The following TTLL11 variants were observed in gnomAD, a reference collection of about 807,000 sequenced individuals.
The protein encoded by TTLL11 is tubulin polyglutamylase TTLL11.
A neutral mutation model predicts 51.7 loss-of-function variants in TTLL11; 42 were observed. That is an observed-to-expected ratio of 0.81 (90% CI 0.64 to 1.05). The LOEUF is 1.05. Among genes scored for constraint, TTLL11 ranks in the 50% least tolerant of loss-of-function variants. TTLL11 has a pLI of 0.00. For missense variants in TTLL11, 799 were observed against 940.4 expected (o/e 0.85, Z 1.97); for synonymous variants, 381 against 383.5 (o/e 0.99, Z 0.08).
intron 1 of TTLL11, among the ~76,000 whole-genome samples, chr9:122,055,203 G>GGATGGATAGATA (rs1554789323): frequency 6.9e-5 from 10 of 144,652 alleles, no homozygotes; most frequent in Non-Finnish European, 3.0e-5. Context: ...AGGACTAATA[G>GGATGGATAGATA]GATAGATAGA....
intron 8 of TTLL11, among the ~76,000 whole-genome samples, chr9:121,839,910 G>A (rs7040012): frequency 0.052 from 7,862 of 152,226 alleles, 538 homozygotes; most frequent in African/African-American, 0.16. Flanking sequence ...CATTTGGAGC[G>A]GTGACAGGAG....
intron 3 of TTLL11, among the ~76,000 whole-genome samples, chr9:122,013,442 G>A (rs1332572925): frequency 1.3e-5 from 2 of 152,160 alleles, no homozygotes; most frequent in Admixed American, 6.5e-5. Context: ...GCAAAGGTTT[G>A]TGCAGTGAAG....
At chr9:121,926,043 G>A (rs1012457935) in intron 6 of TTLL11, among the ~76,000 whole-genome samples, 2 of 152,208 alleles carry the variant, frequency 1.3e-5, no homozygotes, top group Admixed American at 6.5e-5. Flanking sequence ...CAGTTTACGC[G>A]TGTGAAGGCT....
intron 6 of TTLL11, among the ~76,000 whole-genome samples, chr9:121,908,507 G>A (rs1307569089): frequency 1.3e-5 from 2 of 152,196 alleles, no homozygotes; most frequent in Non-Finnish European, 2.9e-5. Flanking sequence ...GGTGTTTCAT[G>A]AGCAACGAAC....
chr9:121,893,918 T>C (rs1179446942), intron 6 of TTLL11, among the ~76,000 whole-genome samples: 1 of 152,004 alleles, frequency 6.6e-6, no homozygotes, highest in East Asian at 1.9e-4. Flanking sequence ...ATGAGAAAAA[T>C]GTAAGTATCA....
At chr9:122,045,644 A>G (rs902934005) in intron 1 of TTLL11, among the ~76,000 whole-genome samples, 2 of 152,224 alleles carry the variant, frequency 1.3e-5, no homozygotes, top group African/African-American at 4.8e-5. Context: ...AATGTAGAAA[A>G]AGCCCAGGTG....
At chr9:122,004,436 A>G (rs1431792288) in intron 3 of TTLL11, among the ~76,000 whole-genome samples, 1 of 151,106 alleles carries the variant, frequency 6.6e-6, no homozygotes, top group Non-Finnish European at 1.5e-5. Context: ...TGCAACCTAC[A>G]CCTCCCAGGT....
intron 2 of TTLL11, among the ~76,000 whole-genome samples, chr9:122,033,208 G>T (rs1294897901): frequency 6.6e-6 from 1 of 152,076 alleles, no homozygotes; most frequent in Admixed American, 6.6e-5. Flanking sequence ...CGCCTCCTAG[G>T]TTCAAGCAAT....
At chr9:121,886,327 T>A (rs1196986475) in intron 6 of TTLL11, among the ~76,000 whole-genome samples, 1 of 151,352 alleles carries the variant, frequency 6.6e-6, no homozygotes, top group Non-Finnish European at 1.5e-5. Context: ...AAAAAAAGAG[T>A]CTTTGCAGAT....
rs1467192960 is a variant in TTLL11, at chr9:121,995,198, A to C, written c.694-5428T>G. On this transcript the variant is annotated intron_variant, in intron 3 of 8. Transcript: ENST00000321582. The surrounding 1 kb of genome is among the most constrained non-coding windows in gnomAD (Gnocchi z 4.4). ...CAGATTATCCAGAGACAGGATAGAG[A>C]GGAAGAAGAGGGCACCTGGGAGCCA... Among the ~76,000 whole-genome samples, 1 of 152,186 alleles carries C rather than the reference A, an allele frequency of 6.6e-6. No homozygotes were observed.
chr9:122,002,743 G>A (rs1467748818), intron 3 of TTLL11, among the ~76,000 whole-genome samples: 3 of 151,798 alleles, frequency 2.0e-5, no homozygotes, highest in African/African-American at 4.8e-5. Context: ...TCAAGAGATC[G>A]AGACCATCCT....
At chr9:122,026,909 TAAAAA>T (rs57149192) in intron 3 of TTLL11, among the ~76,000 whole-genome samples, 2 of 119,948 alleles carry the variant, frequency 1.7e-5, no homozygotes, top group Admixed American at 8.7e-5. Flanking sequence ...AAGTTCATTC[TAAAAA>T]AAAAAAAAAA....
chr9:121,905,287 A>G (rs1212840846), intron 6 of TTLL11, among the ~76,000 whole-genome samples: 7 of 152,148 alleles, frequency 4.6e-5, no homozygotes, highest in Non-Finnish European at 8.8e-5. Context: ...TCTTGGATGC[A>G]CATAATATTT....
chr9:121,883,722 G>A (rs540887007), intron 6 of TTLL11, among the ~76,000 whole-genome samples: 1 of 152,222 alleles, frequency 6.6e-6, no homozygotes, highest in African/African-American at 2.4e-5. Flanking sequence ...ACAGTTTGCA[G>A]TGGTGTTTCT....
At chr9:121,887,611 C>T (rs749510000) in intron 6 of TTLL11, among the ~76,000 whole-genome samples, 6 of 152,176 alleles carry the variant, frequency 3.9e-5, no homozygotes, top group East Asian at 1.9e-4. Context: ...CTCGGTGTCC[C>T]GTGTGAGATG....
rs144837436 is a variant in TTLL11, at chr9:121,820,750, G to A, written c.*1837C>T. 4.6e-5 allele frequency among the ~76,000 whole-genome samples: 7 copies of A among 151,780 alleles called. No individual in the cohort carries two copies. The East Asian group carries it at 7.8e-4, about 17-fold the overall frequency. ...ACAGTGCCCCATGTAGAGAACACTC[G>A]ACACACCTCAGGAGGCACATCCTGC... On this transcript the variant is annotated 3_prime_UTR_variant, in exon 9 of 9. Coordinates refer to ENST00000321582, the MANE Select transcript of TTLL11 (RefSeq NM_001139442.2).
At chr9:121,942,053 C>T (rs1317304859) in intron 6 of TTLL11, among the ~76,000 whole-genome samples, 5 of 152,142 alleles carry the variant, frequency 3.3e-5, no homozygotes, top group Non-Finnish European at 5.9e-5. Flanking sequence ...CACAGAGTAG[C>T]CAAAAAGCAG....
intron 6 of TTLL11, among the ~76,000 whole-genome samples, chr9:121,877,179 G>A (rs915516734): frequency 8.5e-5 from 13 of 152,298 alleles, no homozygotes; most frequent in Admixed American, 2.0e-4. Context: ...AGTCACTAGC[G>A]GATTCCAAAC....
At chr9:122,005,372 A>G (rs1175765775) in intron 3 of TTLL11, among the ~76,000 whole-genome samples, 3 of 152,106 alleles carry the variant, frequency 2.0e-5, no homozygotes, top group African/African-American at 7.2e-5. Context: ...TCTGGGTCTC[A>G]GTTTCCTTAT....
Sources: gnomAD v4.1 joint callset for allele counts (sites outside exome capture counted in the v4.1 genomes callset) on GRCh38, gnomAD v4.1.1 for gene constraint, Gnocchi (gnomAD v3.1) non-coding constraint, MANE v1.5 for transcripts, NCBI Gene and HGNC (gene_info 2026-07-23, HGNC 2026-07-21) for gene names.